Variants in BCL11A observed in about 807,000 individuals in gnomAD.
BCL11A encodes B cell CLL/lymphoma 11A.
A neutral mutation model predicts 55.9 loss-of-function variants in BCL11A; 2 were observed. The observed-to-expected ratio is 0.04, with a 90% CI of 0.01 to 0.11. BCL11A has a LOEUF of 0.11. Ranked by LOEUF, BCL11A falls within the 10% of genes least tolerant of loss-of-function variation. The probability of loss-of-function intolerance (pLI) is 1.00; values close to 1 mark genes in which losing one functional copy is unlikely to be tolerated. For synonymous variants in BCL11A, 465 were observed against 473.4 expected, an observed-to-expected ratio of 0.98 and a Z score of 0.23; for missense variants, 817 against 1,137.1, an observed-to-expected ratio of 0.72 and a Z score of 4.05.
At chr2:60,542,129 C>G (rs981217836) in intron 2 of BCL11A, 1 of 404,688 alleles carries the variant, frequency 2.5e-6, no homozygotes, top group Non-Finnish European at 4.5e-6. Context: ...ATTTTAAATA[C>G]CCTGATATAA....
chr2:60,553,282 GGGCGGGCGGCGGCGGCGGCGGCGGCGGC>G lies in BCL11A; in HGVS notation c.-40_-13del. 1 of 1,573,932 alleles carries G rather than the reference GGGCGGGCGGCGGCGGCGGCGGCGGCGGC, an allele frequency of 6.4e-7. No homozygotes were observed. The highest frequency in any genetic ancestry group is 8.6e-7 in the Non-Finnish European group (1 of 1,167,210). On this transcript the variant is annotated 5_prime_UTR_variant, in exon 1 of 4. Transcript: ENST00000642384. Reference sequence around the variant, plus strand: ...TTGCGGCGAGACATGGTGGGCTGCGGGGCGGGCGGCGGCGGCGGCGGCGGCGGCGGCGGGCGGACGACGGCTCGGTTCA... The same window carrying G: ...TTGCGGCGAGACATGGTGGGCTGCGGGGCGGGCGGACGACGGCTCGGTTCA...
At chr2:60,502,683 C>G (rs996670309) in intron 2 of BCL11A, among the ~76,000 whole-genome samples, 7 of 152,196 alleles carry the variant, frequency 4.6e-5, no homozygotes, top group African/African-American at 1.7e-4. Context: ...TTGTAATGTT[C>G]TTGATATGTT....
chr2:60,480,649 T>C (rs939980367), intron 2 of BCL11A, among the ~76,000 whole-genome samples: 4 of 152,160 alleles, frequency 2.6e-5, no homozygotes, highest in African/African-American at 9.7e-5. Context: ...AATAGTGTAT[T>C]TACTCAATGG....
intron 3 of BCL11A, among the ~76,000 whole-genome samples, chr2:60,466,223 G>C (rs1341561320): frequency 6.6e-6 from 1 of 152,166 alleles, no homozygotes; most frequent in East Asian, 1.9e-4. Flanking sequence ...CCAGCCCTCA[G>C]GAAGACCAGG....
In BCL11A at chr2:60,457,268, C is replaced by CA. The variant is rs1267109236; in HGVS notation, c.*3135dup. The CA allele has an allele frequency of 2.1e-4, 214 of 1,012,052 alleles. No individual in the cohort carries two copies. The highest frequency in any genetic ancestry group is 2.5e-4 in the Non-Finnish European group (210 of 846,482). 62.7% of individuals were successfully genotyped at this position (1,012,052 alleles called of 1,614,324 possible). On this transcript the variant is annotated 3_prime_UTR_variant, in exon 4 of 4. Transcript: ENST00000642384. ...TGAACAGGTTAATGCAGACAACTGC[C>CA]AAAAAAACACAGACAGTGGTTTTTC...
intron 2 of BCL11A, among the ~76,000 whole-genome samples, chr2:60,530,481 C>T (rs766377887): frequency 6.6e-6 from 1 of 151,914 alleles, no homozygotes; most frequent in Non-Finnish European, 1.5e-5. Flanking sequence ...GGGTTACTGG[C>T]GTTATCACAA....
chr2:60,541,050 G>C (rs943282404), intron 2 of BCL11A, among the ~76,000 whole-genome samples: 2 of 150,482 alleles, frequency 1.3e-5, no homozygotes, highest in African/African-American at 2.4e-5. Flanking sequence ...AGAACGGGAG[G>C]GAAACTTTGT....
At chr2:60,550,080 G>A (rs932547913) in intron 1 of BCL11A, among the ~76,000 whole-genome samples, 1 of 152,046 alleles carries the variant, frequency 6.6e-6, no homozygotes, top group African/African-American at 2.4e-5. Flanking sequence ...TGCTTTGCAT[G>A]GGGGTGAGGG....
rs1319428759 is a variant in BCL11A at position 60,462,096 on chromosome 2, A to G, written c.816T>C (p.His272=). The G allele has an allele frequency of 3.2e-6, 5 of 1,559,148 alleles. No homozygotes were observed. The highest frequency in any genetic ancestry group is 1.9e-5 in the Admixed American group (1 of 52,330). ...GCTCTATGCGGTGGGGGTCCAAGTG[A>G]TGTCTCGGTGGTGGACTAAACAGGG... ...TPPLFSPPPR[H]HLDPHRIERL... is the part of the protein sequence containing the mutation. Residue 272 remains histidine, a synonymous_variant, in exon 4 of 4, where the codon CAT becomes CAC. Transcript: ENST00000642384.
At chr2:60,453,829 A>G (rs930694140), downstream of BCL11A, among the ~76,000 whole-genome samples, 4 of 152,194 alleles carry the variant, frequency 2.6e-5, no homozygotes, top group East Asian at 7.7e-4. Context: ...TACCATCCCT[A>G]TGAAAGATCT....
intron 2 of BCL11A, chr2:60,543,826 G>C (rs1670032526): frequency 6.6e-6 from 1 of 152,168 alleles, no homozygotes; most frequent in Admixed American, 6.5e-5. Flanking sequence ...AGACATCTTA[G>C]AGAGCTTTTC....
In BCL11A at chr2:60,461,772, C is replaced by A; in HGVS notation, c.1140G>T (p.Glu380Asp). Residue 380 changes from glutamate to aspartate, a missense_variant, in exon 4 of 4, where the codon GAG becomes GAT. Glu to Asp is a conservative substitution (Grantham distance 45). This residue lies in a region of BCL11A where 45 missense variants were observed against 109.0 expected (regional missense o/e 0.41). Transcript: ENST00000642384. ...SQPPVKSKSC[E>D]FCGKTFKFQS... ...GAAATTTGAACGTCTTGCCGCAGAA[C>A]TCGCATGACTTGGACTTGACCGGGG... is the stretch of plus-strand genomic sequence containing the variant. 6.2e-7 allele frequency: 1 copy of A among 1,613,536 alleles called. No homozygotes were observed. The highest frequency in any genetic ancestry group is 8.5e-7 in the Non-Finnish European group (1 of 1,179,986).
At chr2:60,535,546 C>A (rs1362589377) in intron 2 of BCL11A, 1 of 152,250 alleles carries the variant, frequency 6.6e-6, no homozygotes, top group East Asian at 1.9e-4. Context: ...TCCAAAAAGC[C>A]TTTTCCCCCT....
At chr2:60,451,149 T>C (rs1211011139) in exon 5 of BCL11A, 3 of 188,618 alleles carry the variant, frequency 1.6e-5, no homozygotes, top group East Asian at 1.7e-4. Flanking sequence ...GTATACAGTA[T>C]AAGGTAGTTC....
At chr2:60,534,588 C>T (rs901723076) in intron 2 of BCL11A, 1 of 152,224 alleles carries the variant, frequency 6.6e-6, no homozygotes, top group East Asian at 1.9e-4. Context: ...TTACAGTCTT[C>T]TCCCCAAATG....
At position 60,477,509 on chromosome 2, in the gene BCL11A, G is replaced by C. The variant is rs574384869; in HGVS notation, c.386-8676C>G. Among the ~76,000 whole-genome samples, 3 of 152,264 alleles carry C rather than the reference G, an allele frequency of 2.0e-5. No homozygotes were observed. In the South Asian group the frequency reaches 6.2e-4, roughly 32 times the overall value. On this transcript the variant is annotated intron_variant, in intron 2 of 3. Transcript: ENST00000642384. ...GAGAAATGCCTAATGTAGATGATGG[G>C]TTGATAGGTGCAGCAAACCACCATG...
At chr2:60,512,358 C>T (rs1447163351) in intron 2 of BCL11A, among the ~76,000 whole-genome samples, 1 of 152,196 alleles carries the variant, frequency 6.6e-6, no homozygotes, top group African/African-American at 2.4e-5. Context: ...AGTCACTTCA[C>T]CTCCCTTGGC....
downstream of BCL11A, among the ~76,000 whole-genome samples, chr2:60,455,602 T>C (rs1193726533): frequency 6.6e-6 from 1 of 152,196 alleles, no homozygotes; most frequent in East Asian, 1.9e-4. Context: ...ATTCCCCATT[T>C]GATTTAAGAA....
intron 3 of BCL11A, among the ~76,000 whole-genome samples, chr2:60,464,238 G>A (rs1391200010): frequency 6.6e-6 from 1 of 152,146 alleles, no homozygotes; most frequent in Non-Finnish European, 1.5e-5. Flanking sequence ...TAATGTGGAA[G>A]GGGGAAAAAA....
Sources: gnomAD v4.1 joint callset for allele counts (sites outside exome capture counted in the v4.1 genomes callset) on GRCh38, gnomAD v4.1.1 for gene constraint, gnomAD v4.1.1 regional missense constraint, MANE v1.5 for transcripts, NCBI Gene and HGNC (gene_info 2026-07-23, HGNC 2026-07-21) for gene names.